Variants in HOXC4 observed in about 807,000 individuals in gnomAD.
HOXC4 encodes the protein homeobox C4.
Under a neutral mutation model 25.5 loss-of-function variants are expected in HOXC4, and 15 were observed. The observed-to-expected ratio is 0.59, with a 90% CI of 0.39 to 0.91. The LOEUF (loss-of-function observed/expected upper bound fraction) is 0.91. Among genes scored for constraint, HOXC4 ranks in the 40% least tolerant of loss-of-function variants. The pLI, the probability that HOXC4 is intolerant of heterozygous loss-of-function variation, is 0.00. For synonymous variants in HOXC4, 165 were observed against 148.0 expected (o/e 1.11, Z -0.83); for missense variants, 342 against 352.4 (o/e 0.97, Z 0.24).
chr12:54,028,456 G>A, intron 1 of HOXC4: 1 of 1,529,690 alleles, frequency 6.5e-7, no homozygotes, highest in Middle Eastern at 1.8e-4. Context: ...ATCTAGTTCC[G>A]AGTACAAACT....
chr12:54,024,817 C>T (rs1477025620), intron 1 of HOXC4, among the ~76,000 whole-genome samples: 1 of 152,208 alleles, frequency 6.6e-6, no homozygotes, highest in African/African-American at 2.4e-5. Context: ...GACTCCAGGC[C>T]AGTGACTGCA....
intron 1 of HOXC4, among the ~76,000 whole-genome samples, chr12:54,023,831 T>C (rs1300973650): frequency 1.3e-5 from 2 of 152,096 alleles, no homozygotes; most frequent in Admixed American, 6.6e-5. Flanking sequence ...CCCCATCATA[T>C]CTATGGGAAA....
chr12:54,023,406 T>A (rs781435398), intron 1 of HOXC4, among the ~76,000 whole-genome samples: 2 of 152,172 alleles, frequency 1.3e-5, no homozygotes, highest in Non-Finnish European at 2.9e-5. Flanking sequence ...GGCAGAAATC[T>A]GGAAAGAGAG....
chr12:54,052,871 C>T (rs1257756312), upstream of HOXC4, among the ~76,000 whole-genome samples: 3 of 152,158 alleles, frequency 2.0e-5, no homozygotes, highest in Non-Finnish European at 2.9e-5. Flanking sequence ...CACAGGCCTC[C>T]CTCTTAGCTA....
upstream of HOXC4, among the ~76,000 whole-genome samples, chr12:54,052,099 G>A (rs1310639907): frequency 6.6e-6 from 1 of 152,174 alleles, no homozygotes; most frequent in Non-Finnish European, 1.5e-5. Flanking sequence ...GTAGCGTAGG[G>A]CGGCGAATTA....
intron 1 of HOXC4, chr12:54,029,493 C>G (rs1805378811): frequency 2.3e-6 from 1 of 427,058 alleles, no homozygotes; most frequent in Admixed American, 4.2e-5. Flanking sequence ...CCTCGCTGTA[C>G]CCCCAGTGGG....
intron 1 of HOXC4, chr12:54,033,351 AGCGCCGCGGCC>A: frequency 6.2e-7 from 1 of 1,612,830 alleles, no homozygotes; most frequent in Non-Finnish European, 8.5e-7. Flanking sequence ...CCCCGCCTGC[AGCGCCGCGGCC>A]GCTCCGGGAC....
upstream of HOXC4, among the ~76,000 whole-genome samples, chr12:54,051,116 G>T (rs751925721): frequency 6.6e-6 from 1 of 152,118 alleles, no homozygotes; most frequent in Non-Finnish European, 1.5e-5. Flanking sequence ...GAGGGTTAGC[G>T]TCAGGGCACG....
At chr12:54,023,579 C>T (rs901928093) in intron 1 of HOXC4, among the ~76,000 whole-genome samples, 1 of 152,188 alleles carries the variant, frequency 6.6e-6, no homozygotes, top group Non-Finnish European at 1.5e-5. Flanking sequence ...GGGCAGTTCT[C>T]AGCAGCTTAA....
At chr12:54,029,781 A>G (rs761472061) in intron 1 of HOXC4, 1 of 1,614,100 alleles carries the variant, frequency 6.2e-7, no homozygotes, top group Non-Finnish European at 8.5e-7. Flanking sequence ...GAGATCGCCA[A>G]CGCGCTTTGC....
intron 1 of HOXC4, among the ~76,000 whole-genome samples, chr12:54,048,100 G>A (rs1361882900): frequency 2.0e-5 from 3 of 152,106 alleles, no homozygotes; most frequent in Non-Finnish European, 4.4e-5. Flanking sequence ...GGGTGTGCGA[G>A]GCAGACGGGG....
rs1359889001 is a variant in HOXC4 at position 54,025,913 on chromosome 12, C to G, written c.-124+8499C>G. Among the ~76,000 whole-genome samples, 4 of 152,056 alleles carry G rather than the reference C, an allele frequency of 2.6e-5. No individual in the cohort carries two copies. The East Asian group carries it at 5.8e-4, about 22-fold the overall frequency. The stretch of plus-strand genomic sequence containing the variant: ...GCTGTAGTCCATGCTGCCCCAGAAG[C>G]CCCTTCTTTCTTCCAAGGTCCTTCC... On this transcript the variant is annotated intron_variant, in intron 1 of 3. Transcript: ENST00000303406.
intron 1 of HOXC4, chr12:54,048,032 A>G (rs1243119712): frequency 6.6e-6 from 1 of 152,032 alleles, no homozygotes; most frequent in Non-Finnish European, 1.5e-5. Flanking sequence ...TGATTCCTCC[A>G]ACCCAGGATT....
intron 1 of HOXC4, among the ~76,000 whole-genome samples, chr12:54,026,650 G>A (rs940006952): frequency 6.6e-6 from 1 of 152,070 alleles, no homozygotes; most frequent in African/African-American, 2.4e-5. Context: ...AACACAAATT[G>A]TCTGGCAGGA....
intron 1 of HOXC4, chr12:54,037,981 T>A (rs764578624): frequency 6.6e-6 from 1 of 152,026 alleles, no homozygotes; most frequent in Non-Finnish European, 1.5e-5. Context: ...GTGAGAGAGG[T>A]TACATCTTCG....
upstream of HOXC4, among the ~76,000 whole-genome samples, chr12:54,053,587 C>T (rs1329143179): frequency 6.6e-6 from 1 of 152,176 alleles, no homozygotes; most frequent in African/African-American, 2.4e-5. Flanking sequence ...AATGCCCGGG[C>T]TTTGGAGGGG....
intron 1 of HOXC4, among the ~76,000 whole-genome samples, chr12:54,023,100 C>T (rs1368088307): frequency 3.3e-5 from 5 of 152,210 alleles, no homozygotes; most frequent in Admixed American, 2.0e-4. Context: ...TCCCAGATCA[C>T]AGAGAGCTGT....
intron 1 of HOXC4, chr12:54,020,976 T>C (rs1592221892): frequency 6.6e-6 from 1 of 152,356 alleles, no homozygotes; most frequent in East Asian, 1.9e-4. Flanking sequence ...GCGGGATTCT[T>C]TTCACGGGCA....
intron 1 of HOXC4, among the ~76,000 whole-genome samples, chr12:54,017,659 G>T (rs1565733978): frequency 6.6e-6 from 1 of 151,986 alleles, no homozygotes; most frequent in Non-Finnish European, 1.5e-5. Flanking sequence ...GGGTGGGGAG[G>T]CAAGGGAACA....
Sources: gnomAD v4.1 joint callset for allele counts (sites outside exome capture counted in the v4.1 genomes callset) on GRCh38, gnomAD v4.1.1 for gene constraint, MANE v1.5 for transcripts, NCBI Gene and HGNC (gene_info 2026-07-23, HGNC 2026-07-21) for gene names.